PPP6R3: variants seen among roughly 807,000 people sequenced by gnomAD.
PPP6R3 encodes the protein protein phosphatase 6 regulatory subunit 3, also known as serine/threonine-protein phosphatase 6 regulatory subunit 3.
PPP6R3 carries 38 observed loss-of-function variants against 110.7 expected under a neutral mutation model. The ratio of observed to expected loss-of-function variants is 0.34; its 90% CI spans 0.26 to 0.45. The LOEUF (loss-of-function observed/expected upper bound fraction) is 0.45, where lower values mean the gene tolerates loss of function less well. Ranked by LOEUF, PPP6R3 falls within the 20% of genes least tolerant of loss-of-function variation. The probability of loss-of-function intolerance (pLI) is 1.00; values close to 1 mark genes in which losing one functional copy is unlikely to be tolerated. For missense variants in PPP6R3, 870 were observed against 1,062.4 expected, an observed-to-expected ratio of 0.82 and a Z score of 2.52; for synonymous variants, 369 against 373.5, an observed-to-expected ratio of 0.99 and a Z score of 0.14.
intron 1 of PPP6R3, among the ~76,000 whole-genome samples, chr11:68,501,851 T>G (rs2099050482): frequency 6.6e-6 from 1 of 152,232 alleles, no homozygotes; most frequent in Non-Finnish European, 1.5e-5. Context: ...GCGCTTCCTG[T>G]GCTTTGGTCA....
chr11:68,516,574 C>T (rs538463880), intron 1 of PPP6R3, among the ~76,000 whole-genome samples: 1 of 152,300 alleles, frequency 6.6e-6, no homozygotes, highest in East Asian at 1.9e-4. Context: ...CTCTACCATA[C>T]TTCACTTGCC....
intron 16 of PPP6R3, among the ~76,000 whole-genome samples, chr11:68,588,497 G>A (rs1382915841): frequency 1.3e-5 from 2 of 151,786 alleles, no homozygotes; most frequent in Non-Finnish European, 2.9e-5. Flanking sequence ...TCATTCTGTT[G>A]CCCCGGCTGG....
intron 15 of PPP6R3, among the ~76,000 whole-genome samples, chr11:68,585,067 TAG>T (rs1244600826): frequency 6.6e-6 from 1 of 152,220 alleles, no homozygotes; most frequent in South Asian, 2.1e-4. Context: ...TCCCCGAATG[TAG>T]AGAGCTCAGG....
intron 7 of PPP6R3, among the ~76,000 whole-genome samples, chr11:68,556,548 A>C (rs536370596): frequency 1.3e-5 from 2 of 151,282 alleles, no homozygotes; most frequent in African/African-American, 4.9e-5. Flanking sequence ...AAAAAAAAAA[A>C]ACGAAAAAAA....
At chr11:68,561,596 A>G (rs1345080600) in intron 8 of PPP6R3, among the ~76,000 whole-genome samples, 1 of 152,236 alleles carries the variant, frequency 6.6e-6, no homozygotes, top group East Asian at 1.9e-4. Context: ...TGGGAATGCA[A>G]GGCTCATTCA....
chr11:68,594,335 TGAGAGAGA>T (rs560088974), intron 18 of PPP6R3, among the ~76,000 whole-genome samples: 1 of 81,500 alleles, frequency 1.2e-5, no homozygotes, highest in African/African-American at 4.6e-5. Flanking sequence ...AGAGAGAGAG[TGAGAGAGA>T]GAGTGAGAGA....
intron 16 of PPP6R3, among the ~76,000 whole-genome samples, chr11:68,588,528 G>T (rs1020284512): frequency 6.6e-6 from 1 of 151,876 alleles, no homozygotes; most frequent in African/African-American, 2.4e-5. Context: ...CGCTATCTTG[G>T]CTCACTGCAA....
Position 68,613,710 on chromosome 11 carries a change from G to A in PPP6R3, c.*593G>A. On this transcript the variant is annotated 3_prime_UTR_variant, in exon 24 of 24. Coordinates refer to ENST00000393800, the MANE Select transcript of PPP6R3 (RefSeq NM_001164161.2). ...TTGATTGGTAATTGTTTTCTGTATTGTTTAAAACGGATCAAAAATGTAAGT... is the reference window on the plus strand; with the variant it reads ...TTGATTGGTAATTGTTTTCTGTATTATTTAAAACGGATCAAAAATGTAAGT... 7.1e-6 allele frequency: 7 copies of A among 981,704 alleles called. No homozygotes were observed. The highest frequency in any genetic ancestry group is 8.5e-6 in the Non-Finnish European group (7 of 826,380). The allele number at this position is 981,704 out of a possible 1,614,324, so 60.8% of individuals were successfully genotyped here. A position where few individuals can be genotyped will look rare whatever the true frequency, so the allele number is the denominator to read the frequency against.
At chr11:68,524,990 C>G (rs1362642053) in intron 2 of PPP6R3, among the ~76,000 whole-genome samples, 1 of 152,188 alleles carries the variant, frequency 6.6e-6, no homozygotes, top group East Asian at 1.9e-4. Flanking sequence ...GCCGTTGCTG[C>G]CTTCTACAAG....
chr11:68,506,915 G>T (rs1249902348), intron 1 of PPP6R3, among the ~76,000 whole-genome samples: 1 of 152,190 alleles, frequency 6.6e-6, no homozygotes. Flanking sequence ...GTAGCTCGGT[G>T]ATTGGGATCA....
rs1026395624 is a variant in PPP6R3 at position 68,614,653 on chromosome 11, C to T, written c.*1536C>T. 2.5e-5 allele frequency: 38 copies of T among 1,520,140 alleles called. No homozygotes were observed. The highest frequency in any genetic ancestry group is 2.6e-5 in the Admixed American group (1 of 38,966). 94.2% of individuals were successfully genotyped at this position (1,520,140 alleles called of 1,614,324 possible). On this transcript the variant is annotated 3_prime_UTR_variant, in exon 24 of 24. Transcript: ENST00000393800. The stretch of plus-strand genomic sequence containing the variant: ...TAAGTGGTGTGGAGATTCCAGCACT[C>T]CCAGGACAGTGGAGTCAGCAGTAAG...
chr11:68,493,324 C>T (rs995258218), intron 1 of PPP6R3, among the ~76,000 whole-genome samples: 2 of 152,106 alleles, frequency 1.3e-5, no homozygotes, highest in Non-Finnish European at 2.9e-5. Flanking sequence ...TGGTAGTTAA[C>T]ATGTCTAGCC....
intron 1 of PPP6R3, among the ~76,000 whole-genome samples, chr11:68,506,492 T>C (rs1428628192): frequency 6.9e-6 from 1 of 144,524 alleles, no homozygotes; most frequent in African/African-American, 2.5e-5. Context: ...ATTTATAGGG[T>C]ACAAAGTGAT....
At chr11:68,592,661 C>T (rs1173205012) in intron 18 of PPP6R3, among the ~76,000 whole-genome samples, 4 of 152,144 alleles carry the variant, frequency 2.6e-5, no homozygotes, top group South Asian at 2.1e-4. Flanking sequence ...TTCCTGCTCT[C>T]GTCTTCTGCA....
Position 68,614,665 on chromosome 11 carries a change from G to GAGTC in PPP6R3, c.*1551_*1554dup. 1 of 1,520,136 alleles carries GAGTC rather than the reference G, an allele frequency of 6.6e-7. No individual in the cohort carries two copies. Among genetic ancestry groups the GAGTC allele is most frequent in the African/African-American group, 1.4e-5 (1 of 70,850 alleles). 94.2% of individuals were successfully genotyped at this position (1,520,136 alleles called of 1,614,324 possible). On this transcript the variant is annotated 3_prime_UTR_variant, in exon 24 of 24. Coordinates refer to ENST00000393800, the MANE Select transcript of PPP6R3 (RefSeq NM_001164161.2). ...AGATTCCAGCACTCCCAGGACAGTGGAGTCAGCAGTAAGCCCTGGGACAGG... is the reference window on the plus strand; with the variant it reads ...AGATTCCAGCACTCCCAGGACAGTGGAGTCAGTCAGCAGTAAGCCCTGGGACAGG...
chr11:68,469,354 GGAGTGCAGTGGTGTAATCCCAGGCTA>G (rs1453778288), intron 1 of PPP6R3, among the ~76,000 whole-genome samples: 1 of 151,930 alleles, frequency 6.6e-6, no homozygotes, highest in Non-Finnish European at 1.5e-5. Context: ...GGTGTAATCT[GGAGTGCAGTGGTGTAATCCCAGGCTA>G]GAGTGCAGTG....
chr11:68,527,332 C>T (rs2099204273), intron 2 of PPP6R3, among the ~76,000 whole-genome samples: 1 of 152,216 alleles, frequency 6.6e-6, no homozygotes, highest in Admixed American at 6.5e-5. Flanking sequence ...CTGTCTTTCA[C>T]ATTGTTGACA....
chr11:68,475,715 C>T (rs1482205847), intron 1 of PPP6R3, among the ~76,000 whole-genome samples: 7 of 151,306 alleles, frequency 4.6e-5, no homozygotes, highest in Non-Finnish European at 7.4e-5. Context: ...GGGTGGCTGC[C>T]GGGCGGAGAC....
At chr11:68,529,228 G>C (rs983172553) in intron 2 of PPP6R3, among the ~76,000 whole-genome samples, 2 of 152,154 alleles carry the variant, frequency 1.3e-5, no homozygotes, top group African/African-American at 4.8e-5. Context: ...GTGTGTGTGT[G>C]TGTTTTTCCA....
Sources: gnomAD v4.1 joint callset for allele counts (sites outside exome capture counted in the v4.1 genomes callset) on GRCh38, gnomAD v4.1.1 for gene constraint, MANE v1.5 for transcripts, NCBI Gene and HGNC (gene_info 2026-07-23, HGNC 2026-07-21) for gene names.